TTI1: variants seen among roughly 807,000 people sequenced by gnomAD.
The protein encoded by TTI1 is TELO2-interacting protein 1 homolog.
A neutral mutation model predicts 85.4 loss-of-function variants in TTI1; 52 were observed. The observed-to-expected ratio is 0.61, with a 90% CI of 0.49 to 0.77. TTI1 has a LOEUF of 0.77. TTI1 is among the 30% of genes least tolerant of loss of function. TTI1 has a pLI of 0.00. For missense variants in TTI1, 1,173 were observed against 1,296.0 expected, an observed-to-expected ratio of 0.91 and a Z score of 1.46; for synonymous variants, 512 against 503.9, an observed-to-expected ratio of 1.02 and a Z score of -0.22.
At chr20:37,998,258 T>C (rs200191447) in intron 5 of TTI1, among the ~76,000 whole-genome samples, 4 of 143,430 alleles carry the variant, frequency 2.8e-5, no homozygotes, top group Admixed American at 6.9e-5. Flanking sequence ...CACACATACA[T>C]ACACACACAC....
chr20:38,004,091 AG>A (rs2122546159), intron 3 of TTI1, among the ~76,000 whole-genome samples: 1 of 152,342 alleles, frequency 6.6e-6, no homozygotes, highest in South Asian at 2.1e-4. Flanking sequence ...CTGGAAAAAA[AG>A]GGATAGAGCA....
At chr20:38,027,906 A>C (rs1355980701) in intron 1 of TTI1, among the ~76,000 whole-genome samples, 1 of 152,214 alleles carries the variant, frequency 6.6e-6, no homozygotes, top group Non-Finnish European at 1.5e-5. Context: ...CCTGGGTGAC[A>C]GAGCGAGGCT....
rs2073601872 is a variant in TTI1, at chr20:38,012,070, C to T, written c.1747G>A (p.Glu583Lys). ...VTCLETEEMG[E>K]ELMMEHPGLQ... ...CCTGGGTGCTCCATCATCAGCTCCT[C>T]TCCCATTTCCTCAGTTTCAAGACAG... The change falls in exon 2 of 8, where the codon GAG becomes AAG. Residue 583 changes from glutamate to lysine, a missense_variant. Glu to Lys is a moderately conservative substitution (Grantham distance 56, BLOSUM62 1). Transcript: ENST00000373447. The T allele has an allele frequency of 6.2e-7, 1 of 1,614,208 alleles. No individual in the cohort carries two copies. The highest frequency in any genetic ancestry group is 8.5e-7 in the Non-Finnish European group (1 of 1,180,034).
At position 38,024,639 on chromosome 20, in the gene TTI1, T is replaced by C. The variant is rs149569466; in HGVS notation, c.-42+8765A>G. 1.7e-3 allele frequency among the ~76,000 whole-genome samples: 254 copies of C among 152,162 alleles called. 2 individuals carry two copies. In the South Asian group the frequency reaches 0.029, roughly 18 times the overall value. On this transcript the variant is annotated intron_variant, in intron 1 of 7. Coordinates refer to ENST00000373447, the MANE Select transcript of TTI1 (RefSeq NM_001303457.2). Reference sequence around the variant, plus strand: ...CAAAAAACTTTTGGACAACAAACGCTCTACTCCAGCCAAACACTACAGAAA... The same window carrying C: ...CAAAAAACTTTTGGACAACAAACGCCCTACTCCAGCCAAACACTACAGAAA...
chr20:38,003,649 G>C (rs910230035), intron 3 of TTI1, among the ~76,000 whole-genome samples: 2 of 151,920 alleles, frequency 1.3e-5, no homozygotes, highest in African/African-American at 4.8e-5. Context: ...CTACTTGGGA[G>C]GGTGAGGCGG....
At position 38,013,432 on chromosome 20, in the gene TTI1, TGC is replaced by T. The variant is rs776124537; in HGVS notation, c.383_384del (p.Ser128AsnfsTer16). 1 of 1,614,050 alleles carries T rather than the reference TGC, an allele frequency of 6.2e-7. No homozygotes were observed. The highest frequency in any genetic ancestry group is 1.1e-5 in the South Asian group (1 of 91,080). ...ELKLAVIQGL[S>X]TLMHSAYGDI... ...TCCCCATAAGCTGAGTGCATTAATGTGCTAAGTCCCTGGATCACAGCCAATTT... is the reference window on the plus strand; with the variant it reads ...TCCCCATAAGCTGAGTGCATTAATGTTAAGTCCCTGGATCACAGCCAATTT... On this transcript the variant is annotated frameshift_variant, in exon 2 of 8. Transcript: ENST00000373447. LOFTEE classifies it high-confidence loss of function.
intron 2 of TTI1, among the ~76,000 whole-genome samples, chr20:38,007,824 C>G (rs2073524391): frequency 1.3e-5 from 2 of 152,210 alleles, no homozygotes; most frequent in Non-Finnish European, 2.9e-5. Context: ...GGTTCCTACA[C>G]CCAGGGATCC....
intron 1 of TTI1, 63 bp from the exon 2 acceptor site, chr20:38,013,920 A>G (rs2073643756): frequency 1.4e-6 from 2 of 1,469,084 alleles, no homozygotes; most frequent in Non-Finnish European, 1.8e-6. Flanking sequence ...GTGAACTTGC[A>G]TTCATTCATT....
At chr20:38,011,432 C>T (rs1299475083) in intron 2 of TTI1, 83 bp downstream of exon 2, 2 of 1,483,406 alleles carry the variant, frequency 1.3e-6, no homozygotes, top group Non-Finnish European at 1.8e-6. Context: ...TCACCACAAA[C>T]AATGCAAAAA....
At chr20:37,989,681 C>G (rs146326814) in intron 7 of TTI1, among the ~76,000 whole-genome samples, 166 of 152,366 alleles carry the variant, frequency 1.1e-3, no homozygotes, top group African/African-American at 3.9e-3. Flanking sequence ...CCCCAGCTGG[C>G]TGCACTCTCG....
chr20:38,014,431 T>C (rs1212228377), intron 1 of TTI1, among the ~76,000 whole-genome samples: 4 of 152,212 alleles, frequency 2.6e-5, no homozygotes, highest in Non-Finnish European at 4.4e-5. Context: ...GTAACCACTC[T>C]TATGACTTCT....
chr20:37,996,308 T>C, intron 7 of TTI1, 67 bp downstream of exon 7: 1 of 1,552,538 alleles, frequency 6.4e-7, no homozygotes, highest in East Asian at 2.3e-5. Context: ...CAACTCTGCT[T>C]GCCATTAGCA....
At chr20:38,008,991 T>A (rs1026985621) in intron 2 of TTI1, among the ~76,000 whole-genome samples, 7 of 151,642 alleles carry the variant, frequency 4.6e-5, no homozygotes, top group African/African-American at 7.3e-5. Flanking sequence ...TTTTTTTTTT[T>A]AAAAGCACTA....
Position 38,015,136 on chromosome 20 carries a change from T to C in TTI1, c.-41-1279A>G, listed in dbSNP as rs141206369. Among the ~76,000 whole-genome samples the C allele has an allele frequency of 4.0e-3, 615 of 152,210 alleles. 3 individuals are homozygous for C. Among genetic ancestry groups the C allele is most frequent in the African/African-American group, 0.014 (578 of 41,538 alleles). On this transcript the variant is annotated intron_variant, in intron 1 of 7. Transcript: ENST00000373447. ...CACTCCCGAACTCGGTGGCTATAGA[T>C]TGGCAGGCAAGTCGTGCCAGCGGGC...
At chr20:37,984,490 G>A (rs534801571) in intron 7 of TTI1, among the ~76,000 whole-genome samples, 109 of 152,310 alleles carry the variant, frequency 7.2e-4, no homozygotes, top group African/African-American at 2.5e-3. Context: ...TCAGTCACGT[G>A]CCCAGGGCCA....
chr20:38,028,405 A>C (rs879365721), intron 1 of TTI1, among the ~76,000 whole-genome samples: 8 of 152,276 alleles, frequency 5.3e-5, no homozygotes, highest in Non-Finnish European at 1.0e-4. Flanking sequence ...AGTAGACTTC[A>C]GAGCAAAAGA....
At chr20:38,025,816 T>G (rs1388340161) in intron 1 of TTI1, among the ~76,000 whole-genome samples, 1 of 151,990 alleles carries the variant, frequency 6.6e-6, no homozygotes, top group Non-Finnish European at 1.5e-5. Flanking sequence ...AAAACTTCAG[T>G]GGATGGGCTC....
chr20:38,011,462 G>A lies in TTI1; in HGVS notation c.2302+53C>T, dbSNP rs943510843. ...CAAAAAACGAGGCTAAGCAAACTAG[G>A]AGACTGAGTCCTGTCCCCCACACAT... On this transcript the variant is annotated intron_variant, in intron 2 of 7. Transcript: ENST00000373447. 56 of 1,571,544 alleles carry A rather than the reference G, an allele frequency of 3.6e-5. No individual in the cohort carries two copies. The African/African-American group carries it at 4.8e-4, about 13-fold the overall frequency.
At chr20:37,999,968 C>T (rs2073397808) in intron 4 of TTI1, among the ~76,000 whole-genome samples, 1 of 152,186 alleles carries the variant, frequency 6.6e-6, no homozygotes, top group South Asian at 2.1e-4. Context: ...ATTCTGGCTG[C>T]TGAGTGGAGA....
Sources: allele counts gnomAD v4.1 joint callset (sites outside exome capture counted in the v4.1 genomes callset), GRCh38; gene constraint gnomAD v4.1.1; transcripts MANE v1.5; gene names NCBI Gene and HGNC (gene_info 2026-07-23, HGNC 2026-07-21).